Variants in FBXO42 observed in about 807,000 individuals in gnomAD.
FBXO42 encodes F-box protein 42.
A neutral mutation model predicts 71.7 loss-of-function variants in FBXO42; 12 were observed. That is an observed-to-expected ratio of 0.17 (90% CI 0.11 to 0.27). The LOEUF is 0.27. Among genes scored for constraint, FBXO42 ranks in the 10% least tolerant of loss-of-function variants. FBXO42 has a pLI of 1.00. For missense variants in FBXO42, 707 were observed against 911.9 expected (o/e 0.78, Z 2.89); for synonymous variants, 325 against 327.5 (o/e 0.99, Z 0.08).
chr1:16,306,824 G>A (rs1190126879), intron 2 of FBXO42, among the ~76,000 whole-genome samples: 1 of 151,840 alleles, frequency 6.6e-6, no homozygotes, highest in East Asian at 1.9e-4. Flanking sequence ...TCTGCCTCCT[G>A]GGTAGCAGGC....
In FBXO42 at chr1:16,346,753, A is replaced by ATT. The variant is rs529276488; in HGVS notation, c.-18+5500_-18+5501dup. 6.9e-4 allele frequency among the ~76,000 whole-genome samples: 86 copies of ATT among 125,088 alleles called. 1 individual carries two copies. Among genetic ancestry groups the ATT allele is most frequent in the African/African-American group, 2.5e-3 (81 of 32,758 alleles). 82.1% of individuals were successfully genotyped at this position (125,088 alleles called of 152,430 possible). Reference sequence around the variant, plus strand: ...GCTAAATTACTGTACTGAACAGTACATTTTTTTTTTTTTTTTTCTGAGACA... The same window carrying ATT: ...GCTAAATTACTGTACTGAACAGTACATTTTTTTTTTTTTTTTTTTCTGAGACA... On this transcript the variant is annotated intron_variant, in intron 1 of 9. Coordinates refer to ENST00000375592, the MANE Select transcript of FBXO42 (RefSeq NM_018994.3).
chr1:16,247,477 G>A lies in FBXO42; in HGVS notation c.*3193C>T, dbSNP rs996231935. 2.0e-5 allele frequency: 3 copies of A among 152,220 alleles called. No individual in the cohort carries two copies. The highest frequency in any genetic ancestry group is 6.5e-5 in the Admixed American group (1 of 15,268). The allele number at this position is 152,220 out of a possible 1,614,324, so 9.4% of individuals were successfully genotyped here. On this transcript the variant is annotated 3_prime_UTR_variant, in exon 10 of 10. Transcript: ENST00000375592. Reference sequence around the variant, plus strand: ...AGAAAGGAAAGGGAAACATCTCTTTGTTCTCCATTGGCTGGTGGCTTTCTG... The same window carrying A: ...AGAAAGGAAAGGGAAACATCTCTTTATTCTCCATTGGCTGGTGGCTTTCTG...
intron 1 of FBXO42, among the ~76,000 whole-genome samples, chr1:16,331,348 G>A (rs546119498): frequency 6.6e-6 from 1 of 152,094 alleles, no homozygotes; most frequent in East Asian, 1.9e-4. Flanking sequence ...GGGGGAGGCA[G>A]AGCTTGCAGT....
chr1:16,276,661 C>T (rs946555081), intron 4 of FBXO42, among the ~76,000 whole-genome samples: 7 of 152,126 alleles, frequency 4.6e-5, no homozygotes, highest in African/African-American at 1.2e-4. Context: ...TGGAGATATA[C>T]AAGGATAAGG....
rs540994461 is a variant in FBXO42, at chr1:16,303,890, C to T, written c.367+1913G>A. Among the ~76,000 whole-genome samples, 389 of 152,066 alleles carry T rather than the reference C, an allele frequency of 2.6e-3. 3 individuals carry two copies. Among genetic ancestry groups the T allele is most frequent in the African/African-American group, 8.9e-3 (370 of 41,508 alleles). On this transcript the variant is annotated intron_variant, in intron 3 of 9. Coordinates refer to ENST00000375592, the MANE Select transcript of FBXO42 (RefSeq NM_018994.3). ...CCTCCCCAGTAGCTGCGACTACAGG[C>T]GCCCGCCACCATGCCCGGGTAATTT...
intron 4 of FBXO42, among the ~76,000 whole-genome samples, chr1:16,261,773 G>A (rs1225958470): frequency 3.3e-5 from 5 of 151,780 alleles, no homozygotes; most frequent in South Asian, 2.1e-4. Context: ...GCGCGATCTC[G>A]GCTCACTGCA....
chr1:16,277,570 C>T (rs2081917858), intron 4 of FBXO42, among the ~76,000 whole-genome samples: 1 of 151,150 alleles, frequency 6.6e-6, no homozygotes. Context: ...ACTAAAAATA[C>T]AAAAACTAGC....
At chr1:16,283,685 C>A (rs1187586643) in intron 4 of FBXO42, among the ~76,000 whole-genome samples, 1 of 151,806 alleles carries the variant, frequency 6.6e-6, no homozygotes, top group African/African-American at 2.4e-5. Context: ...TTAGTAGACA[C>A]GGGATTTCAC....
intron 4 of FBXO42, among the ~76,000 whole-genome samples, chr1:16,267,818 T>G (rs957557745): frequency 2.0e-5 from 3 of 152,236 alleles, no homozygotes; most frequent in African/African-American, 7.2e-5. Context: ...GGGTCATTTA[T>G]GAAATATCCA....
intron 1 of FBXO42, among the ~76,000 whole-genome samples, chr1:16,332,786 C>T (rs1474007076): frequency 1.3e-5 from 2 of 152,124 alleles, no homozygotes; most frequent in Non-Finnish European, 2.9e-5. Context: ...AGTCATATGC[C>T]TGCCTCGGCC....
chr1:16,341,667 T>C (rs956173065), intron 1 of FBXO42, among the ~76,000 whole-genome samples: 2 of 150,414 alleles, frequency 1.3e-5, no homozygotes, highest in African/African-American at 4.9e-5. Context: ...GTCCCTACTA[T>C]TTGATATTCT....
chr1:16,338,308 T>C (rs993110150), intron 1 of FBXO42, among the ~76,000 whole-genome samples: 5 of 138,646 alleles, frequency 3.6e-5, no homozygotes, highest in Non-Finnish European at 7.5e-5. Flanking sequence ...GAGGCTGCAG[T>C]GAGCCTCTGC....
At position 16,336,813 on chromosome 1, in the gene FBXO42, G is replaced by A. The variant is rs150846993; in HGVS notation, c.-18+15442C>T. 9.2e-5 allele frequency among the ~76,000 whole-genome samples: 14 copies of A among 151,792 alleles called. 1 individual carries two copies. In the South Asian group the frequency reaches 1.2e-3, roughly 14 times the overall value. Reference sequence around the variant, plus strand: ...AGCCTGGCAAACATGGTGAAACCCCGTCTCTACTAAAAAATACAAAAAATA... The same window carrying A: ...AGCCTGGCAAACATGGTGAAACCCCATCTCTACTAAAAAATACAAAAAATA... On this transcript the variant is annotated intron_variant, in intron 1 of 9. Transcript: ENST00000375592.
At chr1:16,289,339 G>A (rs541686825) in intron 4 of FBXO42, among the ~76,000 whole-genome samples, 2 of 151,976 alleles carry the variant, frequency 1.3e-5, no homozygotes, top group African/African-American at 2.4e-5. Context: ...AGGGGTTTGA[G>A]GCTATAGTCA....
chr1:16,266,010 AC>A (rs1354818578), intron 4 of FBXO42, among the ~76,000 whole-genome samples: 7 of 151,548 alleles, frequency 4.6e-5, no homozygotes, highest in Admixed American at 2.0e-4. Context: ...CACACTTCAG[AC>A]TTTTGGGGAG....
intron 2 of FBXO42, among the ~76,000 whole-genome samples, chr1:16,313,328 G>GA (rs1557597904): frequency 0.011 from 185 of 17,314 alleles, 1 homozygote; most frequent in African/African-American, 0.015. Flanking sequence ...AGAAAACAAA[G>GA]AAAGAAAGAA....
intron 1 of FBXO42, among the ~76,000 whole-genome samples, chr1:16,343,910 T>A (rs1261769105): frequency 2.8e-5 from 4 of 144,140 alleles, no homozygotes; most frequent in African/African-American, 1.0e-4. Flanking sequence ...GCCAGGAGAT[T>A]GGGGCTGCAT....
intron 1 of FBXO42, among the ~76,000 whole-genome samples, chr1:16,347,018 T>C (rs538783454): frequency 1.6e-3 from 236 of 151,876 alleles, no homozygotes; most frequent in African/African-American, 5.4e-3. Context: ...GTGCTGGGAT[T>C]ATAGGCATGA....
chr1:16,308,687 G>T (rs1057366418), intron 2 of FBXO42, among the ~76,000 whole-genome samples: 2 of 143,382 alleles, frequency 1.4e-5, no homozygotes, highest in Admixed American at 1.4e-4. Flanking sequence ...TTGTTTGTTT[G>T]TTTCATAGAG....
Sources: gnomAD v4.1 joint callset for allele counts (sites outside exome capture counted in the v4.1 genomes callset) on GRCh38, gnomAD v4.1.1 for gene constraint, MANE v1.5 for transcripts, NCBI Gene and HGNC (gene_info 2026-07-23, HGNC 2026-07-21) for gene names.